MUSK: variants seen among roughly 807,000 people sequenced by gnomAD.
The protein encoded by MUSK is muscle, skeletal receptor tyrosine-protein kinase.
Under a neutral mutation model 88.7 loss-of-function variants are expected in MUSK, and 55 were observed. The observed-to-expected ratio is 0.62, with a 90% confidence interval of 0.50 to 0.78. The LOEUF (loss-of-function observed/expected upper bound fraction) is 0.78. Ranked by LOEUF, MUSK falls within the 30% of genes least tolerant of loss-of-function variation. The probability of loss-of-function intolerance (pLI) is 0.00; values close to 1 mark genes in which losing one functional copy is unlikely to be tolerated. For synonymous variants in MUSK, 387 were observed against 391.9 expected (o/e 0.99, Z 0.15); for missense variants, 1,015 against 1,074.3 (o/e 0.94, Z 0.77).
chr9:110,688,649 T>G (rs2076229395), intron 3 of MUSK, among the ~76,000 whole-genome samples: 1 of 151,884 alleles, frequency 6.6e-6, no homozygotes, highest in African/African-American at 2.4e-5. Context: ...CCGTGTGTGC[T>G]GTTTCCCCCC....
At chr9:110,725,615 C>T (rs2076873798) in intron 5 of MUSK, among the ~76,000 whole-genome samples, 1 of 151,808 alleles carries the variant, frequency 6.6e-6, no homozygotes, top group African/African-American at 2.4e-5. Flanking sequence ...ATGAAAATGC[C>T]CCACTAATGC....
intron 5 of MUSK, among the ~76,000 whole-genome samples, chr9:110,708,927 T>C (rs1028392420): frequency 2.0e-4 from 30 of 152,224 alleles, no homozygotes; most frequent in Non-Finnish European, 3.4e-4. Flanking sequence ...GAAATACATA[T>C]ACTCTAATTG....
intron 2 of MUSK, 29 bp from the exon 3 acceptor site, chr9:110,687,088 A>T (rs369626158): frequency 6.2e-7 from 1 of 1,600,718 alleles, no homozygotes; most frequent in Non-Finnish European, 8.5e-7. Context: ...AGGAAGCACT[A>T]ATCTGTCATT....
chr9:110,723,445 A>G (rs749576719), intron 5 of MUSK, among the ~76,000 whole-genome samples: 6 of 151,660 alleles, frequency 4.0e-5, no homozygotes, highest in African/African-American at 1.5e-4. Context: ...CATAAGAACG[A>G]CACATTAGAC....
chr9:110,716,333 T>G (rs1246236980), intron 5 of MUSK, among the ~76,000 whole-genome samples: 3 of 150,002 alleles, frequency 2.0e-5, no homozygotes, highest in Non-Finnish European at 4.4e-5. Flanking sequence ...ACTTCTTATT[T>G]TCTAAAATTT....
At chr9:110,694,843 T>A (rs1251369928) in intron 3 of MUSK, among the ~76,000 whole-genome samples, 6 of 152,058 alleles carry the variant, frequency 3.9e-5, no homozygotes, top group Non-Finnish European at 8.8e-5. Context: ...CATGTTTGAG[T>A]CCCCCCAAAT....
chr9:110,773,757 CA>C (rs1193472314), intron 9 of MUSK, among the ~76,000 whole-genome samples: 1 of 152,076 alleles, frequency 6.6e-6, no homozygotes, highest in Non-Finnish European at 1.5e-5. Flanking sequence ...TACTTATCCT[CA>C]AAACTGTGGA....
intron 6 of MUSK, among the ~76,000 whole-genome samples, chr9:110,738,153 TTCTA>T (rs556776227): frequency 4.1e-4 from 62 of 152,186 alleles, no homozygotes; most frequent in Non-Finnish European, 7.4e-4. Flanking sequence ...ATGTTAATTT[TTCTA>T]TCTATCAAAT....
intron 1 of MUSK, among the ~76,000 whole-genome samples, chr9:110,679,790 T>C (rs552586020): frequency 1.1e-3 from 145 of 133,010 alleles, no homozygotes; most frequent in African/African-American, 4.4e-3. Flanking sequence ...TTCTTTCTGT[T>C]TGAAGTTATT....
chr9:110,692,613 G>T (rs928043093), intron 3 of MUSK, among the ~76,000 whole-genome samples: 3 of 151,294 alleles, frequency 2.0e-5, no homozygotes, highest in African/African-American at 7.3e-5. Context: ...CTCTCTTGAA[G>T]ATTCCTTTTA....
chr9:110,687,909 C>T (rs2076219474), intron 3 of MUSK, among the ~76,000 whole-genome samples: 1 of 152,058 alleles, frequency 6.6e-6, no homozygotes, highest in African/African-American at 2.4e-5. Context: ...GAAACACAAC[C>T]AAACACACTT....
chr9:110,785,790 T>C (rs2077847198), intron 13 of MUSK, 72 bp downstream of exon 13: 1 of 1,066,868 alleles, frequency 9.4e-7, no homozygotes, highest in Non-Finnish European at 1.3e-6. Flanking sequence ...ACTATTAGCT[T>C]GGTATATATA....
intron 9 of MUSK, among the ~76,000 whole-genome samples, chr9:110,773,591 A>T (rs909170265): frequency 6.6e-6 from 1 of 151,910 alleles, no homozygotes; most frequent in Non-Finnish European, 1.5e-5. Flanking sequence ...CTTCTTGTTC[A>T]TTCATCTCAT....
At position 110,785,582 on chromosome 9, in the gene MUSK, C is replaced by T. The variant is rs375184468; in HGVS notation, c.1642C>T (p.Leu548Phe). The T allele has an allele frequency of 2.5e-6, 4 of 1,613,344 alleles. No individual in the cohort carries two copies. The highest frequency in any genetic ancestry group is 3.4e-6 in the Non-Finnish European group (4 of 1,179,632). ...TLPSELLLDR[L>F]HPNPMYQRMP... ...GCCTTCTGAGCTCTTACTAGATAGA[C>T]TTCATCCCAACCCCATGTACCAGAG... is the stretch of plus-strand genomic sequence containing the variant. Residue 548 changes from leucine (L) to phenylalanine (F), a missense_variant, in exon 13 of 15, where the codon CTT (leucine) becomes TTT (phenylalanine). Leu to Phe is a conservative substitution (Grantham distance 22). Coordinates refer to ENST00000374448, the MANE Select transcript of MUSK (RefSeq NM_005592.4).
chr9:110,699,111 T>C (rs1041077939), intron 5 of MUSK, among the ~76,000 whole-genome samples: 3 of 152,212 alleles, frequency 2.0e-5, no homozygotes, highest in Admixed American at 6.6e-5. Flanking sequence ...ATCACCGAAC[T>C]CCATTAGTTG....
intron 11 of MUSK, 136 bp downstream of exon 11, chr9:110,776,791 C>G (rs2077678021): frequency 7.2e-6 from 5 of 698,914 alleles, no homozygotes; most frequent in Non-Finnish European, 1.2e-5. Context: ...CATACTCATC[C>G]AGGGTATAAC....
At chr9:110,754,169 G>A (rs761378507) in intron 7 of MUSK, among the ~76,000 whole-genome samples, 41 of 152,162 alleles carry the variant, frequency 2.7e-4, no homozygotes, top group Non-Finnish European at 4.4e-4. Context: ...AAAGGGAAAA[G>A]GATAAATGAG....
chr9:110,695,324 A>G, intron 3 of MUSK, 79 bp from the exon 4 acceptor site: 1 of 1,007,988 alleles, frequency 9.9e-7, no homozygotes, highest in Non-Finnish European at 1.4e-6. Context: ...AGATGTTTAG[A>G]ATTAAATTGA....
rs2078090487 is a variant in MUSK, at chr9:110,801,023, C to T, written c.*35C>T. The T allele has an allele frequency of 6.8e-7, 1 of 1,471,048 alleles. No homozygotes were observed. The highest frequency in any genetic ancestry group is 2.3e-5 in the East Asian group (1 of 43,076). 91.1% of individuals were successfully genotyped at this position (1,471,048 alleles called of 1,614,324 possible). ...CGTTCAAATAAAATGCTGCAGTTTCCTCTCAGACTCTGTGAGCCAGGGGAA... is the reference window on the plus strand; with the variant it reads ...CGTTCAAATAAAATGCTGCAGTTTCTTCTCAGACTCTGTGAGCCAGGGGAA... On this transcript the variant is annotated 3_prime_UTR_variant, in exon 15 of 15. Coordinates refer to ENST00000374448, the MANE Select transcript of MUSK (RefSeq NM_005592.4).
Sources: allele counts gnomAD v4.1 joint callset (sites outside exome capture counted in the v4.1 genomes callset), GRCh38; gene constraint gnomAD v4.1.1; transcripts MANE v1.5; gene names NCBI Gene and HGNC (gene_info 2026-07-23, HGNC 2026-07-21).